Variants in UGGT2 observed in about 807,000 individuals in gnomAD.
The protein encoded by UGGT2 is UDP-glucose glycoprotein glucosyltransferase 2.
Under a neutral mutation model 192.1 loss-of-function variants are expected in UGGT2, and 180 were observed. The ratio of observed to expected loss-of-function variants is 0.94; its 90% CI spans 0.83 to 1.06. The LOEUF is 1.06. Ranked by LOEUF, UGGT2 falls within the 50% of genes least tolerant of loss-of-function variation. The pLI is 0.00. For missense variants in UGGT2, 1,849 were observed against 1,795.7 expected (o/e 1.03, Z -0.54); for synonymous variants, 580 against 591.0 (o/e 0.98, Z 0.27).
At chr13:96,006,816 T>C (rs1240947892) in intron 5 of UGGT2, among the ~76,000 whole-genome samples, 1 of 151,816 alleles carries the variant, frequency 6.6e-6, no homozygotes, top group African/African-American at 2.4e-5. Flanking sequence ...ACATCATGAG[T>C]GTCTAAAGGG....
intron 2 of UGGT2, among the ~76,000 whole-genome samples, chr13:96,025,101 G>C (rs1594597012): frequency 6.6e-6 from 1 of 152,184 alleles, no homozygotes; most frequent in Non-Finnish European, 1.5e-5. Context: ...ATGTAATAAA[G>C]CCTTCTTCTG....
Position 95,949,350 on chromosome 13 carries a change from G to T in UGGT2, c.1440C>A (p.Arg480=). ...TAAAACTCACCAAATTATGAAAATT[G>T]CGCCTTATGGAAGGTACACTTCCAG... ...VFPGSVPSIR[R]NFHNLVLFID... is the part of the protein sequence containing the mutation. Residue 480 remains arginine (R), a synonymous_variant, in exon 13 of 39, where the codon CGC becomes CGA. Transcript: ENST00000376747. 1 of 1,556,300 alleles carries T rather than the reference G, an allele frequency of 6.4e-7. No individual in the cohort carries two copies. Among genetic ancestry groups the T allele is most frequent in the Non-Finnish European group, 8.7e-7 (1 of 1,151,206 alleles).
intron 5 of UGGT2, among the ~76,000 whole-genome samples, chr13:96,008,064 A>T (rs975732230): frequency 2.6e-5 from 4 of 152,198 alleles, no homozygotes; most frequent in Non-Finnish European, 4.4e-5. Flanking sequence ...CAAATATAAG[A>T]CCCAAAACTA....
rs1018031493 is a variant in UGGT2, at chr13:95,940,012, T to G, written c.1757A>C (p.His586Pro). ...TCCCAAAATATCCCAAATATTAGCA[T>G]GAGGAAATGTATTTTGGAGAACACT... ...VKSVLQNTFP[H>P]ANIWDILGIH... The change falls in exon 16 of 39, where the codon CAT (histidine) becomes CCT (proline). Residue 586 changes from histidine to proline, a missense_variant. Coordinates refer to ENST00000376747, the MANE Select transcript of UGGT2 (RefSeq NM_020121.4). 1.9e-6 allele frequency: 3 copies of G among 1,601,594 alleles called. No homozygotes were observed. Among genetic ancestry groups the G allele is most frequent in the African/African-American group, 2.7e-5 (2 of 74,102 alleles).
intron 31 of UGGT2, 23 bp downstream of exon 31, chr13:95,863,606 T>C: frequency 6.4e-7 from 1 of 1,571,650 alleles, no homozygotes; most frequent in Non-Finnish European, 8.8e-7. Flanking sequence ...TAGTGATGTA[T>C]TAAAATATTC....
At chr13:95,902,793 T>C (rs2048146610) in intron 21 of UGGT2, 61 bp downstream of exon 21, 1 of 1,476,034 alleles carries the variant, frequency 6.8e-7, no homozygotes, top group South Asian at 1.2e-5. Context: ...TATCTCCAAA[T>C]ACACTCACAC....
chr13:95,894,612 C>T lies in UGGT2; in HGVS notation c.2805G>A (p.Val935=), dbSNP rs2140251645. Residue 935 remains valine, a synonymous_variant, in exon 24 of 39, where the codon GTG becomes GTA. Coordinates refer to ENST00000376747, the MANE Select transcript of UGGT2 (RefSeq NM_020121.4). ...IMKVDALMSS[V]PKRASRYDVT... ...CATCATATCGAGATGCACGCTTAGG[C>T]ACAGAGGACATAAGGGCATCAACTT... 2.5e-6 allele frequency: 4 copies of T among 1,612,216 alleles called. No individual in the cohort carries two copies. The highest frequency in any genetic ancestry group is 3.4e-6 in the Non-Finnish European group (4 of 1,178,960).
intron 38 of UGGT2, among the ~76,000 whole-genome samples, chr13:95,829,057 A>G (rs1226968434): frequency 3.3e-5 from 5 of 152,336 alleles, no homozygotes; most frequent in Admixed American, 3.3e-4. Flanking sequence ...AAACAGAACC[A>G]AAGACAAAAA....
intron 38 of UGGT2, among the ~76,000 whole-genome samples, chr13:95,808,791 A>G (rs1884439721): frequency 6.6e-6 from 1 of 152,212 alleles, no homozygotes; most frequent in Non-Finnish European, 1.5e-5. Context: ...CAGCACATTC[A>G]CAAAGTTATT....
intron 17 of UGGT2, among the ~76,000 whole-genome samples, chr13:95,928,245 C>T (rs902736613): frequency 2.6e-5 from 4 of 151,402 alleles, no homozygotes; most frequent in South Asian, 2.1e-4. Context: ...GGCAGCTGGC[C>T]GGGCAGGGGC....
At chr13:96,032,004 A>G in intron 1 of UGGT2, 33 bp from the exon 2 acceptor site, 1 of 1,521,764 alleles carries the variant, frequency 6.6e-7, no homozygotes, top group Non-Finnish European at 9.1e-7. Flanking sequence ...CGGTTAGTAG[A>G]TGGAATTTAA....
At chr13:95,878,835 C>T (rs1028814126) in intron 27 of UGGT2, among the ~76,000 whole-genome samples, 1 of 152,128 alleles carries the variant, frequency 6.6e-6, no homozygotes, top group Non-Finnish European at 1.5e-5. Context: ...TTGTTTACAG[C>T]ATTTCTTTCT....
chr13:95,887,455 A>G (rs1177429725), intron 26 of UGGT2: 1 of 334,058 alleles, frequency 3.0e-6, no homozygotes, highest in African/African-American at 2.1e-5. Context: ...ATATAATTAT[A>G]AACAACACTT....
chr13:95,994,332 G>A lies in UGGT2; in HGVS notation c.830+1731C>T, dbSNP rs150162684. Among the ~76,000 whole-genome samples the A allele has an allele frequency of 9.3e-3, 1,413 of 151,786 alleles. 9 individuals carry two copies. Among genetic ancestry groups the A allele is most frequent in the Non-Finnish European group, 0.016 (1,072 of 67,820 alleles). ...TAAAGAGGAATATTTACCACAGCTT[G>A]CCAAGTTAATTTATTAAAAAACAGT... On this transcript the variant is annotated intron_variant, in intron 7 of 38. Transcript: ENST00000376747.
chr13:96,017,440 C>T (rs961445359), intron 4 of UGGT2, among the ~76,000 whole-genome samples: 1 of 152,168 alleles, frequency 6.6e-6, no homozygotes, highest in Non-Finnish European at 1.5e-5. Context: ...GTTCCTGAGG[C>T]TCTCACCAGA....
intron 5 of UGGT2, among the ~76,000 whole-genome samples, chr13:96,006,371 T>TC (rs1320306737): frequency 6.6e-6 from 1 of 152,198 alleles, no homozygotes; most frequent in Non-Finnish European, 1.5e-5. Flanking sequence ...ATGCCTGTAA[T>TC]CCCAGCACTA....
At chr13:95,848,581 T>C (rs1047783781) in intron 36 of UGGT2, among the ~76,000 whole-genome samples, 25 of 152,308 alleles carry the variant, frequency 1.6e-4, no homozygotes, top group South Asian at 8.3e-4. Flanking sequence ...CTGTCAAAGA[T>C]TGGGTGACTA....
rs2053546607 is a variant in UGGT2, at chr13:96,053,372, G to T, written c.-60C>A. The T allele has an allele frequency of 4.6e-6, 7 of 1,530,988 alleles. No individual in the cohort carries two copies. The highest frequency in any genetic ancestry group is 6.1e-6 in the Non-Finnish European group (7 of 1,149,616). 94.8% of individuals were successfully genotyped at this position (1,530,988 alleles called of 1,614,324 possible). Reference sequence around the variant, plus strand: ...GGTACCCACAGTCTGTGGCCGCCACGCTTCGGCCGGCTCTTCCCGCTGCGC... The same window carrying T: ...GGTACCCACAGTCTGTGGCCGCCACTCTTCGGCCGGCTCTTCCCGCTGCGC... On this transcript the variant is annotated 5_prime_UTR_variant, in exon 1 of 39. Transcript: ENST00000376747.
chr13:95,940,455 C>CTTTT (rs1231173934), intron 15 of UGGT2, among the ~76,000 whole-genome samples: 3 of 125,360 alleles, frequency 2.4e-5, no homozygotes, highest in Admixed American at 7.9e-5. Context: ...TTTTCTTTTT[C>CTTTT]TTTTTTTTTT....
Sources: allele counts gnomAD v4.1 joint callset (sites outside exome capture counted in the v4.1 genomes callset), GRCh38; gene constraint gnomAD v4.1.1; transcripts MANE v1.5; gene names NCBI Gene and HGNC (gene_info 2026-07-23, HGNC 2026-07-21).